TTC27: variants seen among roughly 807,000 people sequenced by gnomAD.
The protein encoded by TTC27 is tetratricopeptide repeat protein 27.
Under a neutral mutation model 115.9 loss-of-function variants are expected in TTC27, and 79 were observed. The ratio of observed to expected loss-of-function variants is 0.68; its 90% confidence interval spans 0.57 to 0.82. TTC27 has a LOEUF of 0.82. Among genes scored for constraint, TTC27 ranks in the 40% least tolerant of loss-of-function variants. The pLI, the probability that TTC27 is intolerant of heterozygous loss-of-function variation, is 0.00. For missense variants in TTC27, 1,054 were observed against 993.1 expected, an observed-to-expected ratio of 1.06 and a Z score of -0.82; for synonymous variants, 401 against 356.0, an observed-to-expected ratio of 1.13 and a Z score of -1.42.
At chr2:32,779,811 G>T (rs1258612914) in intron 14 of TTC27, among the ~76,000 whole-genome samples, 2 of 151,882 alleles carry the variant, frequency 1.3e-5, no homozygotes, top group African/African-American at 4.8e-5. Context: ...ACCATTTTAA[G>T]TTAATTTTAT....
chr2:32,656,631 C>A lies in TTC27; in HGVS notation c.640+6398C>A, dbSNP rs201230983. 3.9e-5 allele frequency among the ~76,000 whole-genome samples: 6 copies of A among 152,116 alleles called. No homozygotes were observed. The East Asian group carries it at 1.2e-3, about 29-fold the overall frequency. On this transcript the variant is annotated intron_variant, in intron 5 of 19. Transcript: ENST00000317907. ...AGGGTTTTTAGAATATTTGCTCACT[C>A]CGAGGATATTATTTGAGCTGTGATA... is the stretch of plus-strand genomic sequence containing the variant.
At chr2:32,754,993 C>T (rs574354704) in intron 12 of TTC27, among the ~76,000 whole-genome samples, 146 of 151,520 alleles carry the variant, frequency 9.6e-4, no homozygotes, top group African/African-American at 3.4e-3. Flanking sequence ...GGGCGGCTGC[C>T]GGGCAGAGGG....
At chr2:32,804,477 G>A (rs569582479) in intron 16 of TTC27, among the ~76,000 whole-genome samples, 16 of 152,220 alleles carry the variant, frequency 1.1e-4, no homozygotes, top group African/African-American at 3.9e-4. Context: ...CTAAGCGCAG[G>A]GGAATTGCTA....
intron 10 of TTC27, among the ~76,000 whole-genome samples, chr2:32,724,575 C>T (rs1313550304): frequency 6.6e-6 from 1 of 152,042 alleles, no homozygotes; most frequent in Non-Finnish European, 1.5e-5. Flanking sequence ...AAGAACATGC[C>T]TTTTTAAAAT....
chr2:32,715,389 T>A (rs111638844), intron 10 of TTC27, among the ~76,000 whole-genome samples: 8 of 152,304 alleles, frequency 5.3e-5, no homozygotes, highest in African/African-American at 1.9e-4. Context: ...TGTAGGTGTG[T>A]GGCTCTGTTC....
chr2:32,758,606 C>T, intron 13 of TTC27, 87 bp downstream of exon 13: 1 of 1,239,384 alleles, frequency 8.1e-7, no homozygotes, highest in Non-Finnish European at 1.1e-6. Flanking sequence ...CATTTTCTAA[C>T]CTGATAACTG....
chr2:32,639,075 G>T (rs577626901), intron 3 of TTC27, among the ~76,000 whole-genome samples: 2 of 151,624 alleles, frequency 1.3e-5, no homozygotes, highest in African/African-American at 4.8e-5. Flanking sequence ...CTCGTGATCC[G>T]CCCGCCTTGG....
intron 16 of TTC27, among the ~76,000 whole-genome samples, chr2:32,789,036 T>C (rs1023964606): frequency 1.3e-5 from 2 of 152,232 alleles, no homozygotes; most frequent in Admixed American, 1.3e-4. Flanking sequence ...TATACTGTCA[T>C]AAGCTATGTC....
At chr2:32,680,786 A>C (rs116809126) in intron 9 of TTC27, among the ~76,000 whole-genome samples, 2,191 of 152,240 alleles carry the variant, frequency 0.014, 26 homozygotes, top group Middle Eastern at 0.027. Context: ...TAAGCAGTTT[A>C]TTGCAGCATA....
intron 9 of TTC27, among the ~76,000 whole-genome samples, chr2:32,698,046 T>C (rs1428850836): frequency 6.6e-6 from 1 of 152,162 alleles, no homozygotes; most frequent in Non-Finnish European, 1.5e-5. Context: ...TAATAATTAA[T>C]CTTAATTTGT....
At chr2:32,708,138 C>T (rs72860841) in intron 10 of TTC27, among the ~76,000 whole-genome samples, 19,421 of 151,714 alleles carry the variant, frequency 0.13, 1,626 homozygotes, top group Middle Eastern at 0.27. Flanking sequence ...TTGCCTCTGC[C>T]ATCCATGAGA....
intron 3 of TTC27, among the ~76,000 whole-genome samples, chr2:32,639,118 C>A (rs550418718): frequency 1.1e-4 from 16 of 152,278 alleles, no homozygotes; most frequent in African/African-American, 3.6e-4. Flanking sequence ...AGATGTGAGC[C>A]ACCGTGCCCG....
chr2:32,633,907 A>G lies in TTC27; in HGVS notation c.298A>G (p.Ser100Gly). 6.2e-7 allele frequency: 1 copy of G among 1,613,918 alleles called. No homozygotes were observed. Among genetic ancestry groups the G allele is most frequent in the Non-Finnish European group, 8.5e-7 (1 of 1,179,924 alleles). ...QQLIFLLGVSSLQLFVQSNWT... is the reference protein window; with the variant it reads ...QQLIFLLGVSGLQLFVQSNWT... ...GTTGATATTTCTACTTGGTGTGAGCAGTTTGCAACTTTTTGTTCAGAGCAA... is the reference window on the plus strand; with the variant it reads ...GTTGATATTTCTACTTGGTGTGAGCGGTTTGCAACTTTTTGTTCAGAGCAA... Residue 100 changes from serine to glycine, a missense_variant, in exon 3 of 20, where the codon AGT becomes GGT. Coordinates refer to ENST00000317907, the MANE Select transcript of TTC27 (RefSeq NM_017735.5).
At chr2:32,644,781 G>C (rs1439846977) in intron 4 of TTC27, among the ~76,000 whole-genome samples, 2 of 150,540 alleles carry the variant, frequency 1.3e-5, no homozygotes, top group South Asian at 2.1e-4. Flanking sequence ...TTTTTCCTGT[G>C]GGTCTTTACT....
chr2:32,738,482 G>A (rs1035732250), intron 12 of TTC27, among the ~76,000 whole-genome samples: 4 of 152,074 alleles, frequency 2.6e-5, no homozygotes, highest in South Asian at 2.1e-4. Context: ...ACAATTGATG[G>A]CATCTTCCAT....
chr2:32,740,396 A>G (rs190640872), intron 12 of TTC27, among the ~76,000 whole-genome samples: 2 of 150,026 alleles, frequency 1.3e-5, no homozygotes, highest in Admixed American at 6.6e-5. Context: ...TTAATGTTGT[A>G]TTTCTAAAAC....
chr2:32,738,164 G>A (rs931014111), intron 12 of TTC27, among the ~76,000 whole-genome samples: 1 of 152,130 alleles, frequency 6.6e-6, no homozygotes, highest in East Asian at 1.9e-4. Flanking sequence ...TTACTTGCGA[G>A]GTAGTATGGC....
At chr2:32,669,325 A>G (rs915987334) in intron 7 of TTC27, among the ~76,000 whole-genome samples, 3 of 152,200 alleles carry the variant, frequency 2.0e-5, no homozygotes, top group African/African-American at 7.2e-5. Flanking sequence ...AATAAAATAC[A>G]TTCAGATAAT....
intron 8 of TTC27, among the ~76,000 whole-genome samples, chr2:32,673,925 C>T (rs1451948219): frequency 1.3e-5 from 2 of 152,012 alleles, no homozygotes; most frequent in African/African-American, 2.4e-5. Context: ...CGAGAGATTG[C>T]AGTGAGCTGA....
Sources: gnomAD v4.1 joint callset for allele counts (sites outside exome capture counted in the v4.1 genomes callset) on GRCh38, gnomAD v4.1.1 for gene constraint, MANE v1.5 for transcripts, NCBI Gene and HGNC (gene_info 2026-07-23, HGNC 2026-07-21) for gene names.